Variants in DSCAM observed in about 807,000 individuals in gnomAD.
DSCAM encodes the protein cell adhesion molecule DSCAM.
A neutral mutation model predicts 217.7 loss-of-function variants in DSCAM; 47 were observed. The observed-to-expected ratio is 0.22, with a 90% CI of 0.17 to 0.28. The LOEUF (loss-of-function observed/expected upper bound fraction) is 0.28, where lower values mean the gene tolerates loss of function less well. Among genes scored for constraint, DSCAM ranks in the 10% least tolerant of loss-of-function variants. DSCAM has a pLI of 1.00. For synonymous variants in DSCAM, 1,056 were observed against 1,015.3 expected (o/e 1.04, Z -0.76); for missense variants, 2,080 against 2,618.3 (o/e 0.79, Z 4.49).
At position 40,758,667 on chromosome 21, in the gene DSCAM, G is replaced by A. The variant is rs568112626; in HGVS notation, c.44-49896C>T. ...CCTTTGAACCCCTCAGGCCAACTCC[G>A]GTTTTGTCATCAGCTGCTTGCTTAG... On this transcript the variant is annotated intron_variant, in intron 1 of 32. Coordinates refer to ENST00000400454, the MANE Select transcript of DSCAM (RefSeq NM_001389.5). Among the ~76,000 whole-genome samples the A allele has an allele frequency of 1.3e-3, 203 of 152,174 alleles. 1 individual carries two copies. Among genetic ancestry groups the A allele is most frequent in the Non-Finnish European group, 2.2e-3 (148 of 68,018 alleles).
At chr21:40,563,792 TTATATATAGTTATATGTG>T (rs2076744239) in intron 3 of DSCAM, among the ~76,000 whole-genome samples, 1 of 148,332 alleles carries the variant, frequency 6.7e-6, no homozygotes, top group Non-Finnish European at 1.5e-5. Flanking sequence ...GTTTATATGT[TTATATATAGTTATATGTG>T]TATATATAGT....
intron 8 of DSCAM, among the ~76,000 whole-genome samples, chr21:40,322,570 G>A (rs911200495): frequency 4.6e-5 from 7 of 151,800 alleles, no homozygotes; most frequent in African/African-American, 1.7e-4. Context: ...TGTTGCCCAG[G>A]CTGGAGTGCA....
At chr21:40,319,437 A>ATGTG (rs536367981) in intron 8 of DSCAM, among the ~76,000 whole-genome samples, 2 of 151,490 alleles carry the variant, frequency 1.3e-5, no homozygotes, top group African/African-American at 4.8e-5. Context: ...TCGTGTGTGC[A>ATGTG]TGTGTGTGTG....
At chr21:40,820,319 A>T (rs1259472032) in intron 1 of DSCAM, among the ~76,000 whole-genome samples, 2 of 152,218 alleles carry the variant, frequency 1.3e-5, no homozygotes, top group Admixed American at 1.3e-4. Context: ...AGGGACATGG[A>T]TGAAGCTGGA....
chr21:40,330,015 A>C lies in DSCAM; in HGVS notation c.1783+8086T>G, dbSNP rs138794173. ...CTTGAAAAATGTTTACAGTGAATGT[A>C]AAGTGTTCTTACCACAAACATGATA... is the stretch of plus-strand genomic sequence containing the variant. On this transcript the variant is annotated intron_variant, in intron 8 of 32. Transcript: ENST00000400454. Among the ~76,000 whole-genome samples the C allele has an allele frequency of 2.3e-3, 357 of 152,152 alleles. 2 individuals carry two copies. The Middle Eastern group carries it at 0.041, about 17-fold the overall frequency.
At chr21:40,692,977 G>A (rs779129936) in intron 2 of DSCAM, 21 bp from the exon 3 acceptor site, 15 of 1,594,948 alleles carry the variant, frequency 9.4e-6, no homozygotes, top group Middle Eastern at 1.7e-4. Context: ...GAAAGAGGAC[G>A]TCAGTAAGGC....
At chr21:40,738,562 C>T (rs1016442481) in intron 1 of DSCAM, among the ~76,000 whole-genome samples, 1 of 152,158 alleles carries the variant, frequency 6.6e-6, no homozygotes, top group African/African-American at 2.4e-5. Context: ...AACCTTGGTT[C>T]TTGCCTTTTG....
At chr21:40,548,851 G>A (rs1225790121) in intron 3 of DSCAM, among the ~76,000 whole-genome samples, 1 of 152,180 alleles carries the variant, frequency 6.6e-6, no homozygotes, top group Non-Finnish European at 1.5e-5. Flanking sequence ...TTTTATCTGA[G>A]AGTGGCCCAA....
At chr21:40,689,280 C>A (rs1320557887) in intron 3 of DSCAM, among the ~76,000 whole-genome samples, 2 of 152,178 alleles carry the variant, frequency 1.3e-5, no homozygotes, top group African/African-American at 2.4e-5. Flanking sequence ...TCCAAAGGTC[C>A]CCTGGCCTAG....
intron 3 of DSCAM, among the ~76,000 whole-genome samples, chr21:40,648,056 TAGAG>T (rs2089969004): frequency 6.6e-6 from 1 of 151,836 alleles, no homozygotes; most frequent in Non-Finnish European, 1.5e-5. Flanking sequence ...AACAAATAAA[TAGAG>T]AAAGAAAGCA....
chr21:40,628,032 C>T (rs1441476742), intron 3 of DSCAM, among the ~76,000 whole-genome samples: 1 of 152,180 alleles, frequency 6.6e-6, no homozygotes, highest in Non-Finnish European at 1.5e-5. Context: ...TGTATACCAC[C>T]TTGTTGTGTA....
At position 40,078,700 on chromosome 21, in the gene DSCAM, C is replaced by A. The variant is rs1158249848; in HGVS notation, c.4698G>T (p.Leu1566=). Residue 1566 remains leucine (L), a synonymous_variant, in exon 26 of 33, where the codon CTG becomes CTT. Transcript: ENST00000400454. Reference sequence around the variant, plus strand: ...CAGCCAGCTTACTGCCATCGTAGTTCAGCGTAGCGAAGTTGGCCTGCTTCT... The same window carrying A: ...CAGCCAGCTTACTGCCATCGTAGTTAAGCGTAGCGAAGTTGGCCTGCTTCT... ...CAEKQANFAT[L]NYDGSTIPPL... 3 of 1,613,458 alleles carry A rather than the reference C, an allele frequency of 1.9e-6. No individual in the cohort carries two copies. The highest frequency in any genetic ancestry group is 2.5e-6 in the Non-Finnish European group (3 of 1,179,616).
intron 3 of DSCAM, among the ~76,000 whole-genome samples, chr21:40,462,746 T>G (rs1416467139): frequency 6.6e-6 from 1 of 152,120 alleles, no homozygotes; most frequent in Non-Finnish European, 1.5e-5. Flanking sequence ...ACAGCCTGAG[T>G]GTCAGGAATC....
chr21:40,154,221 C>A (rs2090453853), intron 16 of DSCAM, among the ~76,000 whole-genome samples: 1 of 151,004 alleles, frequency 6.6e-6, no homozygotes, highest in Non-Finnish European at 1.5e-5. Flanking sequence ...TTCCTTCCTT[C>A]CTCCCTTCCT....
At chr21:40,659,891 G>A (rs55792860) in intron 3 of DSCAM, among the ~76,000 whole-genome samples, 2,451 of 152,266 alleles carry the variant, frequency 0.016, 61 homozygotes, top group African/African-American at 0.056. Flanking sequence ...ACATGTAAGC[G>A]AAGACCAGAT....
chr21:40,842,828 C>T (rs374271201), intron 1 of DSCAM, among the ~76,000 whole-genome samples: 1 of 152,034 alleles, frequency 6.6e-6, no homozygotes, highest in Admixed American at 6.6e-5. Context: ...CGTGGTCACA[C>T]CAAAATGACA....
At chr21:40,695,238 C>T (rs930978405) in intron 2 of DSCAM, among the ~76,000 whole-genome samples, 11 of 152,094 alleles carry the variant, frequency 7.2e-5, no homozygotes, top group Non-Finnish European at 1.0e-4. Flanking sequence ...CCGGGAGACA[C>T]GGGAAATGCC....
intron 1 of DSCAM, among the ~76,000 whole-genome samples, chr21:40,757,219 G>A (rs758682845): frequency 5.0e-4 from 76 of 151,762 alleles, no homozygotes; most frequent in Non-Finnish European, 7.8e-4. Context: ...TAGAGACGGG[G>A]TTTCACCATG....
Position 40,654,885 on chromosome 21 carries a change from C to T in DSCAM, c.508+37925G>A, listed in dbSNP as rs753814174. 7.9e-5 allele frequency among the ~76,000 whole-genome samples: 12 copies of T among 152,146 alleles called. No homozygotes were observed. In the South Asian group the frequency reaches 1.7e-3, roughly 21 times the overall value. On this transcript the variant is annotated intron_variant, in intron 3 of 32. Transcript: ENST00000400454. ...TATTCACCTTCCAGAAATTAGGACA[C>T]GCACATCTTTAGGGGCCATTACTCT...
Sources: gnomAD v4.1 joint callset for allele counts (sites outside exome capture counted in the v4.1 genomes callset) on GRCh38, gnomAD v4.1.1 for gene constraint, MANE v1.5 for transcripts, NCBI Gene and HGNC (gene_info 2026-07-23, HGNC 2026-07-21) for gene names.